RUNX1: variants seen among roughly 807,000 people sequenced by gnomAD.
RUNX1 encodes RUNX family transcription factor 1.
Under a neutral mutation model 42.8 loss-of-function variants are expected in RUNX1, and 19 were observed. The ratio of observed to expected loss-of-function variants is 0.44; its 90% CI spans 0.31 to 0.65. The LOEUF (loss-of-function observed/expected upper bound fraction) is 0.65. RUNX1 is among the 30% of genes least tolerant of loss of function. The probability of loss-of-function intolerance (pLI) is 0.07; values close to 1 mark genes in which losing one functional copy is unlikely to be tolerated. For missense variants in RUNX1, 528 were observed against 672.0 expected (o/e 0.79, Z 2.37); for synonymous variants, 271 against 289.4 (o/e 0.94, Z 0.64).
intron 6 of RUNX1, among the ~76,000 whole-genome samples, chr21:34,848,596 G>A (rs1397527376): frequency 6.6e-6 from 1 of 152,090 alleles, no homozygotes; most frequent in Non-Finnish European, 1.5e-5. Flanking sequence ...CACCATGCCC[G>A]GCTAATTTTT....
At position 34,834,479 on chromosome 21, in the gene RUNX1, T is replaced by C. The variant is rs2057112296; in HGVS notation, c.736A>G (p.Thr246Ala). 7 of 1,610,714 alleles carry C rather than the reference T, an allele frequency of 4.3e-6. No individual in the cohort carries two copies. Among genetic ancestry groups the C allele is most frequent in the Non-Finnish European group, 5.9e-6 (7 of 1,178,650 alleles). Residue 246 changes from threonine to alanine, a missense_variant, in exon 7 of 9, where the codon ACG becomes GCG. This residue lies in a region of RUNX1 where 331 missense variants were observed against 382.5 expected (regional missense o/e 0.87). Coordinates refer to ENST00000675419, the MANE Select transcript of RUNX1 (RefSeq NM_001754.5). ...MRVSPHHPAP[T>A]PNPRASLNHS... ...TTCAGGGAGGCACGAGGGTTGGGCGTGGGGGCTGGGTGGTGTGGGCTGACC... is the reference window on the plus strand; with the variant it reads ...TTCAGGGAGGCACGAGGGTTGGGCGCGGGGGCTGGGTGGTGTGGGCTGACC...
intron 2 of RUNX1, among the ~76,000 whole-genome samples, chr21:34,982,156 G>A (rs1601633301): frequency 6.6e-6 from 1 of 152,032 alleles, no homozygotes; most frequent in East Asian, 1.9e-4. Flanking sequence ...GGATATTAGC[G>A]CTTATCTACT....
chr21:34,842,155 T>G (rs1452261503), intron 6 of RUNX1, among the ~76,000 whole-genome samples: 1 of 152,136 alleles, frequency 6.6e-6, no homozygotes, highest in Non-Finnish European at 1.5e-5. Context: ...AACTTCTTGT[T>G]GAGAAAAAAT....
chr21:35,030,792 C>A (rs2059267483), intron 2 of RUNX1, among the ~76,000 whole-genome samples: 1 of 152,044 alleles, frequency 6.6e-6, no homozygotes, highest in Admixed American at 6.6e-5. Flanking sequence ...ACAAAACCTA[C>A]AGAAAGGGAA....
At chr21:35,015,704 T>C (rs1374068581) in intron 2 of RUNX1, among the ~76,000 whole-genome samples, 2 of 152,226 alleles carry the variant, frequency 1.3e-5, no homozygotes, top group Non-Finnish European at 2.9e-5. Context: ...GAGTGCTTAC[T>C]GTGTTCCAGG....
chr21:34,867,089 G>T (rs1160525698), intron 5 of RUNX1, among the ~76,000 whole-genome samples: 4 of 152,078 alleles, frequency 2.6e-5, no homozygotes, highest in South Asian at 4.1e-4. Context: ...CTATTCTGAG[G>T]CAATAAAGAA....
At chr21:34,959,334 G>A (rs1047861254) in intron 2 of RUNX1, among the ~76,000 whole-genome samples, 7 of 152,130 alleles carry the variant, frequency 4.6e-5, no homozygotes, top group Non-Finnish European at 8.8e-5. Context: ...GTGACCCTGG[G>A]CAAGGTACGC....
intron 7 of RUNX1, among the ~76,000 whole-genome samples, chr21:34,815,749 C>T (rs2253319): frequency 0.38 from 58,205 of 151,694 alleles, 12,006 homozygotes; most frequent in African/African-American, 0.55. Context: ...TACTCTGGGG[C>T]CGAGATGTCT....
chr21:34,789,664 TTGA>T lies in RUNX1; in HGVS notation c.*2468_*2470del. ...GACCTATCGCCAAAACAACTACAGT[TTGA>T]TTTTTTTTGAAACAATTAAATACTA... is the stretch of plus-strand genomic sequence containing the variant. On this transcript the variant is annotated 3_prime_UTR_variant, in exon 9 of 9. Transcript: ENST00000675419. 4.3e-6 allele frequency: 1 copy of T among 233,194 alleles called. No individual in the cohort carries two copies. The highest frequency in any genetic ancestry group is 2.2e-5 in the African/African-American group (1 of 45,392). 14.4% of individuals were successfully genotyped at this position (233,194 alleles called of 1,614,324 possible).
intron 2 of RUNX1, among the ~76,000 whole-genome samples, chr21:34,918,027 G>A (rs1012617433): frequency 6.7e-6 from 1 of 150,268 alleles, no homozygotes; most frequent in African/African-American, 2.5e-5. Flanking sequence ...TACTCAGGGG[G>A]CTAAGGCAGA....
At chr21:34,909,948 T>C (rs1159467893) in intron 2 of RUNX1, among the ~76,000 whole-genome samples, 3 of 152,118 alleles carry the variant, frequency 2.0e-5, no homozygotes, top group Non-Finnish European at 4.4e-5. Context: ...TCCTCCTCCT[T>C]CTTCTTCAAC....
At chr21:34,928,176 C>T (rs1411440204) in intron 2 of RUNX1, among the ~76,000 whole-genome samples, 1 of 152,118 alleles carries the variant, frequency 6.6e-6, no homozygotes. Flanking sequence ...TTCAAGTGCT[C>T]AGTAGCCACA....
At chr21:34,871,012 C>T (rs1223995618) in intron 5 of RUNX1, among the ~76,000 whole-genome samples, 1 of 152,098 alleles carries the variant, frequency 6.6e-6, no homozygotes, top group Admixed American at 6.6e-5. Flanking sequence ...CATTCACAGA[C>T]CATGTATCAG....
At chr21:34,955,254 C>T (rs764342082) in intron 2 of RUNX1, among the ~76,000 whole-genome samples, 1 of 151,454 alleles carries the variant, frequency 6.6e-6, no homozygotes, top group Non-Finnish European at 1.5e-5. Flanking sequence ...TAAAGTTATC[C>T]AGGGGACTCT....
chr21:34,990,960 A>G (rs1327459636), intron 2 of RUNX1, among the ~76,000 whole-genome samples: 1 of 152,186 alleles, frequency 6.6e-6, no homozygotes, highest in East Asian at 1.9e-4. Flanking sequence ...TCATAGAAAC[A>G]TCTGTAACTC....
intron 2 of RUNX1, among the ~76,000 whole-genome samples, chr21:34,908,517 A>G (rs2058243780): frequency 6.6e-6 from 1 of 152,198 alleles, no homozygotes; most frequent in Admixed American, 6.5e-5. Flanking sequence ...ACTGTCACCA[A>G]GGGCTGGGAT....
chr21:34,849,248 G>A lies in RUNX1; in HGVS notation c.613+10226C>T, dbSNP rs1161058878. Among the ~76,000 whole-genome samples, 5 of 68,990 alleles carry A rather than the reference G, an allele frequency of 7.2e-5. No individual in the cohort carries two copies. In the South Asian group the frequency reaches 1.8e-3, roughly 24 times the overall value. 45.3% of individuals were successfully genotyped at this position (68,990 alleles called of 152,430 possible). On this transcript the variant is annotated intron_variant, in intron 6 of 8. Transcript: ENST00000675419. ...GGCAAACAGAAAAGAACTTTGCTTT[G>A]GGTACATATATATATATATAATATA...
In RUNX1 at chr21:34,788,132, G is replaced by A. The variant is rs886057030; in HGVS notation, c.*4003C>T. On this transcript the variant is annotated 3_prime_UTR_variant, in exon 9 of 9. Coordinates refer to ENST00000675419, the MANE Select transcript of RUNX1 (RefSeq NM_001754.5). Reference sequence around the variant, plus strand: ...TTCCCCTTTAAGAAGCATTCCATACGTTTGTACCAGGGAGAAAGAAGCCCA... The same window carrying A: ...TTCCCCTTTAAGAAGCATTCCATACATTTGTACCAGGGAGAAAGAAGCCCA... 2.1e-5 allele frequency: 5 copies of A among 233,338 alleles called. No homozygotes were observed. Among genetic ancestry groups the A allele is most frequent in the South Asian group, 1.8e-4 (1 of 5,526 alleles). The allele number at this position is 233,338 out of a possible 1,614,324, so 14.5% of individuals were successfully genotyped here. A position where few individuals can be genotyped will look rare whatever the true frequency, so the allele number is the denominator to read the frequency against.
In RUNX1 at chr21:34,859,216, G is replaced by A. The variant is rs187032171; in HGVS notation, c.613+258C>T. 14 of 529,428 alleles carry A rather than the reference G, an allele frequency of 2.6e-5. No individual in the cohort carries two copies. The African/African-American group carries it at 2.7e-4, about 10-fold the overall frequency. 32.8% of individuals were successfully genotyped at this position (529,428 alleles called of 1,614,324 possible). On this transcript the variant is annotated intron_variant, in intron 6 of 8. Coordinates refer to ENST00000675419, the MANE Select transcript of RUNX1 (RefSeq NM_001754.5). ...GCAGTCCTTAGTTTCATGCTGCCCT[G>A]AATGGTTCTAACATATGATTCAGTC... is the stretch of plus-strand genomic sequence containing the variant.
Sources: allele counts gnomAD v4.1 joint callset (sites outside exome capture counted in the v4.1 genomes callset), GRCh38; gene constraint gnomAD v4.1.1; regional missense constraint gnomAD v4.1.1; transcripts MANE v1.5; gene names NCBI Gene and HGNC (gene_info 2026-07-23, HGNC 2026-07-21).